The following KATNIP variants were observed in gnomAD, a reference collection of about 807,000 sequenced individuals.
KATNIP encodes katanin-interacting protein.
In KATNIP, 126 loss-of-function variants were observed where a neutral mutation model predicts 174.0. The observed-to-expected ratio is 0.72, with a 90% CI of 0.63 to 0.84. The LOEUF is 0.84. KATNIP is among the 40% of genes least tolerant of loss of function. The pLI is 0.00. For missense variants in KATNIP, 1,958 were observed against 2,109.7 expected, an observed-to-expected ratio of 0.93 and a Z score of 1.41; for synonymous variants, 810 against 835.7, an observed-to-expected ratio of 0.97 and a Z score of 0.53.
chr16:27,742,261 C>T (rs765556778), intron 15 of KATNIP, among the ~76,000 whole-genome samples: 5 of 152,158 alleles, frequency 3.3e-5, no homozygotes, highest in Non-Finnish European at 5.9e-5. Context: ...GACCTGGGAC[C>T]TCTAGCCAGG....
intron 10 of KATNIP, 122 bp downstream of exon 10, chr16:27,699,721 G>A (rs554774579): frequency 1.6e-5 from 21 of 1,339,182 alleles, no homozygotes; most frequent in African/African-American, 7.2e-5. Flanking sequence ...CCTCCAGGGC[G>A]CTTTCCTTCA....
chr16:27,705,650 A>C (rs1157411499), intron 12 of KATNIP, among the ~76,000 whole-genome samples: 1 of 151,824 alleles, frequency 6.6e-6, no homozygotes, highest in Non-Finnish European at 1.5e-5. Context: ...ACTGCATGGA[A>C]TAGTTTCTTT....
intron 1 of KATNIP, among the ~76,000 whole-genome samples, chr16:27,555,918 A>G (rs2089605940): frequency 6.6e-6 from 1 of 152,124 alleles, no homozygotes; most frequent in Non-Finnish European, 1.5e-5. Flanking sequence ...TCACGAGGTC[A>G]GGAGTTCAAG....
chr16:27,569,316 C>T (rs1039267061), intron 1 of KATNIP, among the ~76,000 whole-genome samples: 2 of 152,136 alleles, frequency 1.3e-5, no homozygotes, highest in South Asian at 2.1e-4. Context: ...CCATTGAAAA[C>T]GAATCCTATG....
At chr16:27,721,771 C>G (rs1169089127) in intron 14 of KATNIP, 76 bp downstream of exon 14, 1 of 1,529,278 alleles carries the variant, frequency 6.5e-7, no homozygotes, top group Non-Finnish European at 8.9e-7. Context: ...TAGCCTGATT[C>G]CTAAAGTTGC....
intron 14 of KATNIP, among the ~76,000 whole-genome samples, chr16:27,730,143 C>T (rs2080614397): frequency 6.6e-6 from 1 of 152,254 alleles, no homozygotes; most frequent in African/African-American, 2.4e-5. Context: ...AGCCATGACT[C>T]ACAGCTGTCA....
chr16:27,602,360 C>T (rs1322878516), intron 2 of KATNIP, among the ~76,000 whole-genome samples: 1 of 152,178 alleles, frequency 6.6e-6, no homozygotes, highest in Non-Finnish European at 1.5e-5. Context: ...CTGGCAGCCT[C>T]AGGGTCTGTC....
intron 2 of KATNIP, among the ~76,000 whole-genome samples, chr16:27,576,452 C>A (rs1055399417): frequency 6.6e-6 from 1 of 152,012 alleles, no homozygotes; most frequent in Admixed American, 6.6e-5. Flanking sequence ...AAAAAACCAA[C>A]CCCAAACAAT....
At chr16:27,591,899 TTGGCCATTA>T (rs1232107988) in intron 2 of KATNIP, among the ~76,000 whole-genome samples, 2 of 152,188 alleles carry the variant, frequency 1.3e-5, no homozygotes, top group Non-Finnish European at 2.9e-5. Context: ...GACCTTTACC[TTGGCCATTA>T]TGCATTTTTT....
rs190233640 is a variant in KATNIP at position 27,752,562 on chromosome 16, T to C, written c.3552+638T>C. ...GGTAAGCAACTTATTATTTTTTTAT[T>C]TTGTTTAGAGATAGGGCCTGGCACT... On this transcript the variant is annotated intron_variant, in intron 17 of 27. Transcript: ENST00000261588. Among the ~76,000 whole-genome samples the C allele has an allele frequency of 2.2e-3, 329 of 152,334 alleles. 3 individuals carry two copies. The highest frequency in any genetic ancestry group is 7.6e-3 in the African/African-American group (315 of 41,582).
intron 8 of KATNIP, among the ~76,000 whole-genome samples, chr16:27,683,349 C>A (rs925381132): frequency 6.6e-6 from 1 of 152,190 alleles, no homozygotes; most frequent in Non-Finnish European, 1.5e-5. Flanking sequence ...AATGTATCAT[C>A]TCACAGTTCT....
chr16:27,577,787 C>T (rs914458206), intron 2 of KATNIP, among the ~76,000 whole-genome samples: 2 of 151,626 alleles, frequency 1.3e-5, no homozygotes, highest in African/African-American at 2.4e-5. Flanking sequence ...GCGGGAGTAT[C>T]GCTTGAGCCC....
chr16:27,768,712 C>T (rs775853173), intron 20 of KATNIP, among the ~76,000 whole-genome samples: 14 of 152,138 alleles, frequency 9.2e-5, no homozygotes, highest in Non-Finnish European at 1.5e-4. Flanking sequence ...CAGCCACGCC[C>T]GAAGCCAGGT....
intron 1 of KATNIP, among the ~76,000 whole-genome samples, chr16:27,561,165 CCAT>C (rs1189419060): frequency 6.6e-6 from 1 of 151,798 alleles, no homozygotes; most frequent in African/African-American, 2.4e-5. Flanking sequence ...GCGCCCACCA[CCAT>C]GCCTGTCTAA....
intron 6 of KATNIP, among the ~76,000 whole-genome samples, chr16:27,665,292 A>T (rs1341162371): frequency 6.6e-6 from 1 of 151,612 alleles, no homozygotes; most frequent in African/African-American, 2.4e-5. Flanking sequence ...TTTAGTAGAG[A>T]TGGGGTTTCA....
intron 1 of KATNIP, among the ~76,000 whole-genome samples, chr16:27,571,557 A>G (rs1163290318): frequency 6.6e-6 from 1 of 152,118 alleles, no homozygotes; most frequent in Non-Finnish European, 1.5e-5. Flanking sequence ...TGGCCAGCAA[A>G]GCAAGGGCCT....
intron 6 of KATNIP, among the ~76,000 whole-genome samples, chr16:27,663,152 CTTTTTT>C (rs11440523): frequency 1.2e-5 from 1 of 80,046 alleles, no homozygotes; most frequent in South Asian, 4.4e-4. Context: ...TTTTCTTCTT[CTTTTTT>C]TTTTTTTTTT....
intron 14 of KATNIP, among the ~76,000 whole-genome samples, chr16:27,731,097 C>T (rs1042644672): frequency 1.3e-5 from 2 of 152,134 alleles, no homozygotes; most frequent in Non-Finnish European, 2.9e-5. Context: ...GGCTTGCTTC[C>T]TTTGCATCCC....
chr16:27,668,068 A>G (rs916468978), intron 6 of KATNIP, among the ~76,000 whole-genome samples: 2 of 152,134 alleles, frequency 1.3e-5, no homozygotes, highest in Non-Finnish European at 2.9e-5. Flanking sequence ...TTGTGTCTAA[A>G]CCTCTTACGG....
Sources: gnomAD v4.1 joint callset for allele counts (sites outside exome capture counted in the v4.1 genomes callset) on GRCh38, gnomAD v4.1.1 for gene constraint, MANE v1.5 for transcripts, NCBI Gene and HGNC (gene_info 2026-07-23, HGNC 2026-07-21) for gene names.